Variants in FREM3 observed in about 807,000 individuals in gnomAD.
The protein encoded by FREM3 is FRAS1-related extracellular matrix protein 3.
In FREM3, 105 loss-of-function variants were observed where a neutral mutation model predicts 129.1. The observed-to-expected ratio is 0.81, with a 90% CI of 0.69 to 0.96. FREM3 has a LOEUF of 0.96. FREM3 is among the 40% of genes least tolerant of loss of function. The pLI, the probability that FREM3 is intolerant of heterozygous loss-of-function variation, is 0.00. For missense variants in FREM3, 2,593 were observed against 2,666.3 expected (o/e 0.97, Z 0.61); for synonymous variants, 1,014 against 1,044.9 (o/e 0.97, Z 0.57).
intron 2 of FREM3, among the ~76,000 whole-genome samples, chr4:143,673,499 C>T (rs1578863001): frequency 6.6e-6 from 1 of 152,300 alleles, no homozygotes; most frequent in East Asian, 1.9e-4. Flanking sequence ...TCAGTCTGCC[C>T]CTACTGGGGG....
chr4:143,581,480 C>T (rs1738141876), intron 7 of FREM3, among the ~76,000 whole-genome samples: 1 of 152,108 alleles, frequency 6.6e-6, no homozygotes. Context: ...CTCAGGACTG[C>T]AAAGCAGTTG....
chr4:143,618,812 C>G (rs553787383), intron 5 of FREM3, among the ~76,000 whole-genome samples: 1 of 152,278 alleles, frequency 6.6e-6, no homozygotes, highest in South Asian at 2.1e-4. Context: ...GGAAAGATGG[C>G]TTGAGCCCAG....
In FREM3 at chr4:143,697,541, T is replaced by C; in HGVS notation, c.3135A>G (p.Gln1045=). 1 of 1,537,296 alleles carries C rather than the reference T, an allele frequency of 6.5e-7. No individual in the cohort carries two copies. The highest frequency in any genetic ancestry group is 8.7e-7 in the Non-Finnish European group (1 of 1,146,926). ...CTATTATGCTATTCCCCACTACCCA[T>C]TGGTAAGAATCTTTGGAGAGGATGA... is the stretch of plus-strand genomic sequence containing the variant. ...FSLILSKDSY[Q]WVVGNSIIEK... Residue 1045 remains glutamine, a synonymous_variant, in exon 1 of 8, where the codon CAA becomes CAG. Coordinates refer to ENST00000329798, the MANE Select transcript of FREM3 (RefSeq NM_001168235.2).
At chr4:143,583,586 C>T (rs1738185433) in intron 7 of FREM3, among the ~76,000 whole-genome samples, 3 of 151,948 alleles carry the variant, frequency 2.0e-5, no homozygotes, top group Non-Finnish European at 4.4e-5. Context: ...AAGAGAACCT[C>T]ATCAGGCTAA....
chr4:143,617,302 G>A (rs1011903840), intron 5 of FREM3, among the ~76,000 whole-genome samples: 2 of 152,006 alleles, frequency 1.3e-5, no homozygotes, highest in African/African-American at 4.8e-5. Context: ...TGGTAGATGC[G>A]TCTAGATGCT....
At chr4:143,604,781 G>GCAA (rs1738640109) in intron 6 of FREM3, among the ~76,000 whole-genome samples, 1 of 152,144 alleles carries the variant, frequency 6.6e-6, no homozygotes, top group South Asian at 2.1e-4. Context: ...TTTAAGCTTA[G>GCAA]CAATGTGCTT....
chr4:143,621,971 G>T (rs1738958663), intron 4 of FREM3, among the ~76,000 whole-genome samples: 1 of 152,064 alleles, frequency 6.6e-6, no homozygotes, highest in Non-Finnish European at 1.5e-5. Context: ...GTGGAGAACT[G>T]CAGTAACTAT....
intron 2 of FREM3, among the ~76,000 whole-genome samples, chr4:143,691,503 A>T (rs1485685622): frequency 6.6e-6 from 1 of 152,222 alleles, no homozygotes; most frequent in Non-Finnish European, 1.5e-5. Context: ...CCAGAACTGT[A>T]AGATGACAGA....
chr4:143,632,493 AG>A (rs2149844172), intron 2 of FREM3, among the ~76,000 whole-genome samples: 1 of 152,282 alleles, frequency 6.6e-6, no homozygotes, highest in East Asian at 1.9e-4. Flanking sequence ...TCATGGTCAA[AG>A]GCTACTTGGT....
intron 5 of FREM3, among the ~76,000 whole-genome samples, chr4:143,615,452 T>A (rs1738826603): frequency 6.6e-6 from 1 of 152,148 alleles, no homozygotes; most frequent in Non-Finnish European, 1.5e-5. Context: ...ACAAGTCACC[T>A]CATGCCCCAG....
intron 6 of FREM3, among the ~76,000 whole-genome samples, chr4:143,606,323 G>T (rs1409310670): frequency 2.0e-5 from 3 of 151,748 alleles, no homozygotes; most frequent in Non-Finnish European, 2.9e-5. Flanking sequence ...CAAGGGGTTT[G>T]CTTGCTAAAT....
At chr4:143,641,856 C>T (rs1477709236) in intron 2 of FREM3, among the ~76,000 whole-genome samples, 1 of 152,108 alleles carries the variant, frequency 6.6e-6, no homozygotes, top group Non-Finnish European at 1.5e-5. Context: ...CAAAGGGTTC[C>T]ACTAAAGCAA....
At chr4:143,638,789 G>C (rs1739274998) in intron 2 of FREM3, among the ~76,000 whole-genome samples, 1 of 152,144 alleles carries the variant, frequency 6.6e-6, no homozygotes, top group Non-Finnish European at 1.5e-5. Flanking sequence ...CACAGATACA[G>C]AGTATTGTGA....
At chr4:143,650,904 A>T (rs192194903) in intron 2 of FREM3, among the ~76,000 whole-genome samples, 2 of 152,302 alleles carry the variant, frequency 1.3e-5, no homozygotes, top group Admixed American at 6.5e-5. Flanking sequence ...TTTCCTTGGG[A>T]TATGTCAGTC....
intron 1 of FREM3, 78 bp downstream of exon 1, chr4:143,695,413 G>A: frequency 8.0e-7 from 1 of 1,254,084 alleles, no homozygotes; most frequent in East Asian, 2.5e-5. Context: ...CTGAGATCAG[G>A]ACAATTTTAC....
intron 6 of FREM3, among the ~76,000 whole-genome samples, chr4:143,593,564 G>C (rs1016554224): frequency 6.6e-6 from 1 of 152,112 alleles, no homozygotes; most frequent in African/African-American, 2.4e-5. Flanking sequence ...TTGGTGAACT[G>C]CAAATGCTGC....
At chr4:143,685,152 A>G (rs1186702697) in intron 2 of FREM3, among the ~76,000 whole-genome samples, 1 of 152,162 alleles carries the variant, frequency 6.6e-6, no homozygotes, top group Admixed American at 6.5e-5. Flanking sequence ...AGCACAAAGA[A>G]CACCTGAGAA....
intron 2 of FREM3, among the ~76,000 whole-genome samples, chr4:143,673,370 T>C (rs111501130): frequency 0.073 from 11,067 of 152,236 alleles, 1,075 homozygotes; most frequent in African/African-American, 0.21. Flanking sequence ...CAGACCCTGA[T>C]TGCCTGGGTA....
intron 2 of FREM3, among the ~76,000 whole-genome samples, chr4:143,629,798 C>T (rs1457256112): frequency 6.6e-6 from 1 of 152,058 alleles, no homozygotes; most frequent in Non-Finnish European, 1.5e-5. Flanking sequence ...GGCAATTTGA[C>T]CAGGTCCCCA....
Sources: allele counts gnomAD v4.1 joint callset (sites outside exome capture counted in the v4.1 genomes callset), GRCh38; gene constraint gnomAD v4.1.1; transcripts MANE v1.5; gene names NCBI Gene and HGNC (gene_info 2026-07-23, HGNC 2026-07-21).